TRPM3: variants seen among roughly 807,000 people sequenced by gnomAD.
TRPM3 encodes long transient receptor potential channel 3.
Under a neutral mutation model 181.2 loss-of-function variants are expected in TRPM3, and 77 were observed. The ratio of observed to expected loss-of-function variants is 0.42; its 90% CI spans 0.35 to 0.51. The LOEUF (loss-of-function observed/expected upper bound fraction) is 0.51, where lower values mean the gene tolerates loss of function less well. TRPM3 is among the 20% of genes least tolerant of loss of function. The probability of loss-of-function intolerance (pLI) is 0.01; values close to 1 mark genes in which losing one functional copy is unlikely to be tolerated. For synonymous variants in TRPM3, 745 were observed against 796.4 expected, an observed-to-expected ratio of 0.94 and a Z score of 1.09; for missense variants, 1,759 against 2,196.7, an observed-to-expected ratio of 0.80 and a Z score of 3.98.
intron 1 of TRPM3, among the ~76,000 whole-genome samples, chr9:71,136,153 A>G (rs2074754530): frequency 6.6e-6 from 1 of 152,250 alleles, no homozygotes; most frequent in African/African-American, 2.4e-5. Context: ...ACTATAGAAG[A>G]CAGGAAGTTC....
chr9:70,842,897 A>G lies in TRPM3; in HGVS notation c.801+106T>C. On this transcript the variant is annotated intron_variant, in intron 5 of 25. Transcript: ENST00000677713. The stretch of plus-strand genomic sequence containing the variant: ...ACATGTTTCATTTTAGTGAGTAGAG[A>G]CCCAAAGAATACTATAATGTGCACA... 5.4e-6 allele frequency: 6 copies of G among 1,110,826 alleles called. No individual in the cohort carries two copies. In the South Asian group the frequency reaches 1.1e-4, roughly 20 times the overall value. 68.8% of individuals were successfully genotyped at this position (1,110,826 alleles called of 1,614,324 possible).
At chr9:70,944,070 A>G (rs1463579562) in intron 1 of TRPM3, among the ~76,000 whole-genome samples, 1 of 152,214 alleles carries the variant, frequency 6.6e-6, no homozygotes, top group Non-Finnish European at 1.5e-5. Flanking sequence ...GGCGTGAGCC[A>G]CCACTCCTGG....
chr9:70,751,379 G>T (rs1482399833), intron 8 of TRPM3, among the ~76,000 whole-genome samples: 1 of 152,100 alleles, frequency 6.6e-6, no homozygotes, highest in Non-Finnish European at 1.5e-5. Flanking sequence ...AGGAAATATA[G>T]CTAGTCTAAA....
intron 1 of TRPM3, among the ~76,000 whole-genome samples, chr9:71,233,450 G>C (rs1009859686): frequency 6.6e-6 from 1 of 152,044 alleles, no homozygotes; most frequent in African/African-American, 2.4e-5. Context: ...CTTGGTATAG[G>C]TATTGTATGC....
At chr9:71,264,743 A>G (rs2132092025) in intron 1 of TRPM3, among the ~76,000 whole-genome samples, 1 of 152,304 alleles carries the variant, frequency 6.6e-6, no homozygotes, top group Non-Finnish European at 1.5e-5. Flanking sequence ...GAATCTAGAC[A>G]GGTGTACTTG....
At chr9:71,285,087 G>A (rs917782824) in intron 1 of TRPM3, among the ~76,000 whole-genome samples, 5 of 152,268 alleles carry the variant, frequency 3.3e-5, no homozygotes, top group African/African-American at 9.6e-5. Flanking sequence ...CTTGGGAGAT[G>A]GGAAAGAACT....
intron 1 of TRPM3, among the ~76,000 whole-genome samples, chr9:71,224,108 G>A (rs1222680490): frequency 6.6e-6 from 1 of 152,202 alleles, no homozygotes; most frequent in African/African-American, 2.4e-5. Flanking sequence ...GGTGGCTTCA[G>A]GTCTGACCTA....
At chr9:71,167,440 T>C (rs1037098328) in intron 1 of TRPM3, among the ~76,000 whole-genome samples, 1 of 152,166 alleles carries the variant, frequency 6.6e-6, no homozygotes, top group African/African-American at 2.4e-5. Context: ...GCCTGCCTCA[T>C]TCACACAACC....
chr9:70,683,519 C>A (rs1375144274), intron 8 of TRPM3, among the ~76,000 whole-genome samples: 2 of 137,006 alleles, frequency 1.5e-5, no homozygotes, highest in African/African-American at 5.4e-5. Flanking sequence ...CTTGGCCTCC[C>A]AAAGTGCTGG....
At chr9:71,006,040 C>T (rs958611280) in intron 1 of TRPM3, among the ~76,000 whole-genome samples, 2 of 152,034 alleles carry the variant, frequency 1.3e-5, no homozygotes, top group South Asian at 2.1e-4. Context: ...GAGGAGGGGA[C>T]GTGGTATTAA....
At position 70,883,961 on chromosome 9, in the gene TRPM3, G is replaced by A. The variant is rs182485994; in HGVS notation, c.178-19450C>T. Among the ~76,000 whole-genome samples the A allele has an allele frequency of 2.0e-4, 31 of 152,274 alleles. No individual in the cohort carries two copies. In the East Asian group the frequency reaches 5.8e-3, roughly 28 times the overall value. Reference sequence around the variant, plus strand: ...CTGAAACGTTCTGTGTATATCAGGGGCAAGATCCTAGGAGTTATTTTGCAT... The same window carrying A: ...CTGAAACGTTCTGTGTATATCAGGGACAAGATCCTAGGAGTTATTTTGCAT... On this transcript the variant is annotated intron_variant, in intron 1 of 25. Transcript: ENST00000677713.
At chr9:71,214,623 A>G (rs1162957309) in intron 1 of TRPM3, among the ~76,000 whole-genome samples, 1 of 152,054 alleles carries the variant, frequency 6.6e-6, no homozygotes, top group African/African-American at 2.4e-5. Context: ...TAAATCTTTG[A>G]CGGCTCCTGA....
At position 71,440,896 on chromosome 9, in the gene TRPM3, T is replaced by C. The variant is rs566658594; in HGVS notation, c.183+5757A>G. Among the ~76,000 whole-genome samples, 128 of 152,354 alleles carry C rather than the reference T, an allele frequency of 8.4e-4. 1 individual carries two copies. Among genetic ancestry groups the C allele is most frequent in the African/African-American group, 3.0e-3 (124 of 41,586 alleles). Reference sequence around the variant, plus strand: ...GTCTAACAAAATGAAAGAAATATTTTCTTACTATTTATAAGTTATTTTTAA... The same window carrying C: ...GTCTAACAAAATGAAAGAAATATTTCCTTACTATTTATAAGTTATTTTTAA... On this transcript the variant is annotated intron_variant, in intron 1 of 24. Transcript: ENST00000357533.
At chr9:71,194,026 G>C (rs1292748554) in intron 1 of TRPM3, among the ~76,000 whole-genome samples, 1 of 151,906 alleles carries the variant, frequency 6.6e-6, no homozygotes, top group Non-Finnish European at 1.5e-5. Context: ...CTTTTTACAA[G>C]TATAGGTGAT....
Position 70,819,188 on chromosome 9 carries a change from A to C in TRPM3, c.973+8659T>G, listed in dbSNP as rs141876700. On this transcript the variant is annotated intron_variant, in intron 6 of 25. Coordinates refer to ENST00000677713, the MANE Select transcript of TRPM3 (RefSeq NM_001366145.2). ...CTCTTCATGTGAGACTGTCCTGCATATTGTAGGATGTTAACATTCCTGGCC... is the reference window on the plus strand; with the variant it reads ...CTCTTCATGTGAGACTGTCCTGCATCTTGTAGGATGTTAACATTCCTGGCC... Among the ~76,000 whole-genome samples the C allele has an allele frequency of 4.5e-3, 685 of 152,268 alleles. 5 individuals are homozygous for C. Among genetic ancestry groups the C allele is most frequent in the African/African-American group, 0.016 (651 of 41,544 alleles).
At chr9:71,390,982 G>T (rs1028933664) in intron 1 of TRPM3, among the ~76,000 whole-genome samples, 1 of 151,888 alleles carries the variant, frequency 6.6e-6, no homozygotes, top group Admixed American at 6.6e-5. Context: ...AGATGAATAG[G>T]TAAAGGTACT....
At chr9:71,124,547 C>G (rs603103), upstream of TRPM3, among the ~76,000 whole-genome samples, 4 of 151,796 alleles carry the variant, frequency 2.6e-5, no homozygotes, top group African/African-American at 9.7e-5. Flanking sequence ...AATTCTCTCC[C>G]GTGCTACAGA....
At chr9:71,249,949 A>G (rs2082247175) in intron 1 of TRPM3, among the ~76,000 whole-genome samples, 2 of 152,236 alleles carry the variant, frequency 1.3e-5, no homozygotes, top group Non-Finnish European at 1.5e-5. Context: ...CTGGTGGTCA[A>G]TTGTGAGAAT....
intron 1 of TRPM3, among the ~76,000 whole-genome samples, chr9:70,903,249 T>C (rs892467031): frequency 6.6e-6 from 1 of 152,244 alleles, no homozygotes; most frequent in African/African-American, 2.4e-5. Flanking sequence ...CTGGACGAAG[T>C]TGGCCCATCA....
Sources: allele counts gnomAD v4.1 joint callset (sites outside exome capture counted in the v4.1 genomes callset), GRCh38; gene constraint gnomAD v4.1.1; transcripts MANE v1.5; gene names NCBI Gene and HGNC (gene_info 2026-07-23, HGNC 2026-07-21).